Variants in FMN2 observed in about 807,000 individuals in gnomAD.
FMN2 encodes the protein formin 2, also known as formin-2.
A neutral mutation model predicts 142.3 loss-of-function variants in FMN2; 51 were observed. The ratio of observed to expected loss-of-function variants is 0.36; its 90% confidence interval spans 0.29 to 0.45. FMN2 has a LOEUF of 0.45. Ranked by LOEUF, FMN2 falls within the 20% of genes least tolerant of loss-of-function variation. FMN2 has a pLI of 1.00. For synonymous variants in FMN2, 882 were observed against 869.8 expected, an observed-to-expected ratio of 1.01 and a Z score of -0.25; for missense variants, 1,936 against 2,122.8, an observed-to-expected ratio of 0.91 and a Z score of 1.73.
chr1:240,338,152 T>C (rs1379223459), intron 13 of FMN2, among the ~76,000 whole-genome samples: 1 of 152,188 alleles, frequency 6.6e-6, no homozygotes, highest in East Asian at 1.9e-4. Flanking sequence ...CCTCTTTCTT[T>C]CTGTTCTTCC....
chr1:240,449,314 T>C (rs1675927315), intron 16 of FMN2, among the ~76,000 whole-genome samples: 1 of 152,144 alleles, frequency 6.6e-6, no homozygotes, highest in Admixed American at 6.5e-5. Flanking sequence ...ACTTTCTGCT[T>C]ACTGACACTG....
intron 2 of FMN2, among the ~76,000 whole-genome samples, chr1:240,148,221 CAGAGAGACAGAGACCGAG>C (rs1207662868): frequency 3.5e-5 from 3 of 85,640 alleles, no homozygotes; most frequent in Non-Finnish European, 8.1e-5. Flanking sequence ...GAGACAGAGA[CAGAGAGACAGAGACCGAG>C]AGAGACAAAC....
At chr1:240,294,440 T>C (rs1448589885) in intron 7 of FMN2, among the ~76,000 whole-genome samples, 1 of 152,216 alleles carries the variant, frequency 6.6e-6, no homozygotes, top group Non-Finnish European at 1.5e-5. Context: ...GTCCTAGATA[T>C]ACTGGTGAAT....
chr1:240,268,312 C>A (rs1401663589), intron 7 of FMN2, among the ~76,000 whole-genome samples: 1 of 152,030 alleles, frequency 6.6e-6, no homozygotes, highest in Non-Finnish European at 1.5e-5. Context: ...TAATACTGGG[C>A]TGTACCCATT....
chr1:240,322,516 G>T (rs1671007974), intron 8 of FMN2, among the ~76,000 whole-genome samples: 2 of 152,292 alleles, frequency 1.3e-5, no homozygotes, highest in South Asian at 4.1e-4. Flanking sequence ...GACAGGTGTT[G>T]TCCCTGTCCT....
intron 8 of FMN2, among the ~76,000 whole-genome samples, chr1:240,300,891 T>G (rs1167846385): frequency 7.3e-6 from 1 of 137,376 alleles, no homozygotes; most frequent in Admixed American, 8.2e-5. Context: ...ATACTTACTG[T>G]GTGCATGTTT....
intron 3 of FMN2, 103 bp downstream of exon 3, chr1:240,178,171 A>G (rs1360205565): frequency 1.3e-5 from 16 of 1,277,594 alleles, no homozygotes; most frequent in Non-Finnish European, 1.6e-5. Context: ...TTTTAATTGC[A>G]TGGCATTCAG....
intron 1 of FMN2, among the ~76,000 whole-genome samples, chr1:240,106,579 A>G (rs1661617206): frequency 6.6e-6 from 1 of 152,132 alleles, no homozygotes; most frequent in African/African-American, 2.4e-5. Flanking sequence ...TAGCCAAGCT[A>G]TGCCACTCTT....
chr1:240,436,949 T>G (rs184263931), intron 15 of FMN2, among the ~76,000 whole-genome samples: 42 of 152,334 alleles, frequency 2.8e-4, no homozygotes, highest in Non-Finnish European at 5.7e-4. Context: ...CAAGCTTATT[T>G]GCATGCCACT....
At chr1:240,237,300 A>G (rs1316128189) in intron 6 of FMN2, among the ~76,000 whole-genome samples, 1 of 152,118 alleles carries the variant, frequency 6.6e-6, no homozygotes, top group Non-Finnish European at 1.5e-5. Flanking sequence ...ACAGTCAGGG[A>G]TCTTTTTTTA....
intron 4 of FMN2, among the ~76,000 whole-genome samples, chr1:240,197,800 C>T (rs983551192): frequency 1.4e-5 from 2 of 144,128 alleles, no homozygotes; most frequent in African/African-American, 2.9e-5. Flanking sequence ...TCCAGAGTAG[C>T]TGGGATTACA....
chr1:240,398,665 T>G (rs542483739), intron 15 of FMN2, among the ~76,000 whole-genome samples: 1 of 152,314 alleles, frequency 6.6e-6, no homozygotes, highest in African/African-American at 2.4e-5. Context: ...CAATCAGTAG[T>G]AATTCTGTGC....
At chr1:240,210,073 T>C (rs908312887) in intron 5 of FMN2, among the ~76,000 whole-genome samples, 6 of 152,144 alleles carry the variant, frequency 3.9e-5, no homozygotes, top group Admixed American at 1.3e-4. Context: ...TGTCCCTCAT[T>C]GGCAACACAG....
intron 8 of FMN2, among the ~76,000 whole-genome samples, chr1:240,295,429 C>T (rs1457491033): frequency 3.3e-5 from 5 of 152,048 alleles, no homozygotes; most frequent in African/African-American, 1.2e-4. Flanking sequence ...ACCTTTTGAC[C>T]AATATCTCCC....
At chr1:240,201,998 TG>T (rs1390709427) in intron 4 of FMN2, among the ~76,000 whole-genome samples, 3 of 152,188 alleles carry the variant, frequency 2.0e-5, no homozygotes, top group African/African-American at 7.2e-5. Flanking sequence ...ATTTGAATGT[TG>T]TTGTAGAGAA....
At chr1:240,232,232 C>A (rs1572096595) in intron 6 of FMN2, among the ~76,000 whole-genome samples, 2 of 149,682 alleles carry the variant, frequency 1.3e-5, no homozygotes, top group African/African-American at 2.5e-5. Flanking sequence ...ACACACCAAC[C>A]ACCAGGCCCA....
At chr1:240,244,701 A>T (rs1668021780) in intron 6 of FMN2, among the ~76,000 whole-genome samples, 1 of 152,228 alleles carries the variant, frequency 6.6e-6, no homozygotes, top group Non-Finnish European at 1.5e-5. Flanking sequence ...AATCTGCACC[A>T]GCATCAGCTG....
intron 2 of FMN2, chr1:240,170,921 A>G (rs1460288606): frequency 2.5e-6 from 2 of 792,774 alleles, no homozygotes; most frequent in Middle Eastern, 2.7e-4. Flanking sequence ...CAACCCATCC[A>G]GGAAGTGCTC....
At chr1:240,378,239 C>T (rs1024009426) in intron 14 of FMN2, among the ~76,000 whole-genome samples, 2 of 152,100 alleles carry the variant, frequency 1.3e-5, no homozygotes, top group African/African-American at 2.4e-5. Flanking sequence ...CAACCTCCGC[C>T]TCCCAAGAAC....
Sources: gnomAD v4.1 joint callset for allele counts (sites outside exome capture counted in the v4.1 genomes callset) on GRCh38, gnomAD v4.1.1 for gene constraint, MANE v1.5 for transcripts, NCBI Gene and HGNC (gene_info 2026-07-23, HGNC 2026-07-21) for gene names.